Variants in FBXL20 observed in about 807,000 individuals in gnomAD.
FBXL20 encodes F-box/LRR-repeat protein 20.
Under a neutral mutation model 64.0 loss-of-function variants are expected in FBXL20, and 11 were observed. The observed-to-expected ratio is 0.17, with a 90% CI of 0.11 to 0.28. The LOEUF is 0.28. Among genes scored for constraint, FBXL20 ranks in the 10% least tolerant of loss-of-function variants. The pLI is 1.00. For missense variants in FBXL20, 303 were observed against 526.2 expected (o/e 0.58, Z 4.15); for synonymous variants, 184 against 189.0 (o/e 0.97, Z 0.22).
intron 6 of FBXL20, among the ~76,000 whole-genome samples, chr17:39,287,018 T>A (rs2046995058): frequency 6.7e-6 from 1 of 149,042 alleles, no homozygotes; most frequent in Non-Finnish European, 1.5e-5. Flanking sequence ...GTTCAAGCAA[T>A]TCTCTTGCCT....
intron 2 of FBXL20, among the ~76,000 whole-genome samples, chr17:39,308,460 G>A (rs928279390): frequency 1.3e-5 from 2 of 151,510 alleles, no homozygotes; most frequent in Non-Finnish European, 2.9e-5. Context: ...ACCCCACTAT[G>A]CTTTGGCCTG....
At chr17:39,345,421 G>C (rs1597810085) in intron 1 of FBXL20, among the ~76,000 whole-genome samples, 1 of 152,272 alleles carries the variant, frequency 6.6e-6, no homozygotes, top group East Asian at 1.9e-4. Flanking sequence ...AAATAATGGA[G>C]TCATACATGA....
chr17:39,294,144 A>AT lies in FBXL20; in HGVS notation c.398+2982dup, dbSNP rs553479627. On this transcript the variant is annotated intron_variant, in intron 6 of 14. Transcript: ENST00000264658. ...CTGTGAGAAGGAGAAGTCTACTTGG[A>AT]TTTTTTTTTTTTAAGACATAGGGTC... Among the ~76,000 whole-genome samples, 1,029 of 144,968 alleles carry AT rather than the reference A, an allele frequency of 7.1e-3. 9 individuals are homozygous for AT. The highest frequency in any genetic ancestry group is 0.01 in the Non-Finnish European group (689 of 65,666).
At chr17:39,370,142 T>C (rs1039115332) in intron 1 of FBXL20, among the ~76,000 whole-genome samples, 1 of 151,016 alleles carries the variant, frequency 6.6e-6, no homozygotes, top group Admixed American at 6.6e-5. Flanking sequence ...ATGGAATTAA[T>C]ACATCTTAAA....
rs2046719512 is a variant in FBXL20 at position 39,258,874 on chromosome 17, G to GT, written c.*2585dup. The GT allele has an allele frequency of 6.6e-6, 1 of 152,148 alleles. No individual in the cohort carries two copies. The highest frequency in any genetic ancestry group is 2.4e-5 in the African/African-American group (1 of 41,424). 9.4% of individuals were successfully genotyped at this position (152,148 alleles called of 1,614,324 possible). A position where few individuals can be genotyped will look rare whatever the true frequency, so the allele number is the denominator to read the frequency against. On this transcript the variant is annotated 3_prime_UTR_variant, in exon 15 of 15. Transcript: ENST00000264658. ...CATCTGGAAGTATGTGTGTATGCAC[G>GT]TATGTATTTTTATGTGTAGGGGTAC... is the stretch of plus-strand genomic sequence containing the variant.
At chr17:39,340,046 T>C (rs1288503665) in intron 2 of FBXL20, among the ~76,000 whole-genome samples, 3 of 152,142 alleles carry the variant, frequency 2.0e-5, no homozygotes, top group Admixed American at 2.0e-4. Flanking sequence ...TTCTCCTGCT[T>C]CAGCTTCCCA....
intron 6 of FBXL20, among the ~76,000 whole-genome samples, chr17:39,292,124 T>C (rs974272640): frequency 6.6e-6 from 1 of 150,802 alleles, no homozygotes; most frequent in African/African-American, 2.5e-5. Context: ...ATGTCAATTA[T>C]ATCAAGTTCA....
chr17:39,275,443 A>G (rs998005537), intron 9 of FBXL20, among the ~76,000 whole-genome samples: 19 of 151,830 alleles, frequency 1.3e-4, no homozygotes, highest in African/African-American at 4.4e-4. Flanking sequence ...ATAGAGTCTC[A>G]CTCTATCACC....
intron 12 of FBXL20, among the ~76,000 whole-genome samples, chr17:39,267,427 C>T (rs1244897051): frequency 6.6e-6 from 1 of 152,038 alleles, no homozygotes; most frequent in African/African-American, 2.4e-5. Context: ...AGGAATCAGA[C>T]GATAGTGCTT....
intron 14 of FBXL20, 54 bp from the exon 15 acceptor site, chr17:39,261,621 C>A: frequency 7.3e-7 from 1 of 1,366,208 alleles, no homozygotes; most frequent in Admixed American, 1.9e-5. Context: ...ACAGAAAGAG[C>A]AATGTTGGTT....
intron 1 of FBXL20, among the ~76,000 whole-genome samples, chr17:39,386,439 G>A (rs1377350174): frequency 6.6e-6 from 1 of 152,082 alleles, no homozygotes; most frequent in African/African-American, 2.4e-5. Flanking sequence ...AGACCAGCCT[G>A]AGCAACACAG....
chr17:39,293,590 AC>A (rs1704620227), intron 6 of FBXL20, among the ~76,000 whole-genome samples: 1 of 152,196 alleles, frequency 6.6e-6, no homozygotes, highest in Non-Finnish European at 1.5e-5. Context: ...TAGCCCTACC[AC>A]CAAGGTGTAA....
intron 2 of FBXL20, among the ~76,000 whole-genome samples, chr17:39,321,574 T>C (rs1194661010): frequency 1.3e-5 from 2 of 151,518 alleles, no homozygotes; most frequent in Non-Finnish European, 2.9e-5. Flanking sequence ...GGTCAGGAGT[T>C]TGAGACCAGC....
At chr17:39,357,825 T>C (rs1322048573) in intron 1 of FBXL20, among the ~76,000 whole-genome samples, 1 of 152,238 alleles carries the variant, frequency 6.6e-6, no homozygotes, top group Non-Finnish European at 1.5e-5. Context: ...TCTGGTACCA[T>C]AGCGTTTCAT....
intron 2 of FBXL20, among the ~76,000 whole-genome samples, chr17:39,310,139 C>A (rs1277030672): frequency 6.9e-6 from 1 of 145,650 alleles, no homozygotes; most frequent in African/African-American, 2.6e-5. Flanking sequence ...AGAATGAGAC[C>A]CTGTCTACAA....
chr17:39,399,666 G>A (rs945008104), intron 1 of FBXL20, among the ~76,000 whole-genome samples: 1 of 152,018 alleles, frequency 6.6e-6, no homozygotes, highest in African/African-American at 2.4e-5. Context: ...GAAAGATTTC[G>A]TTGCCAGCTA....
chr17:39,318,794 T>C (rs1021227203), intron 2 of FBXL20, among the ~76,000 whole-genome samples: 3 of 151,976 alleles, frequency 2.0e-5, no homozygotes, highest in African/African-American at 7.2e-5. Context: ...AATGCTGAAA[T>C]AGTTCATAAG....
At chr17:39,272,376 C>G (rs2046851635) in intron 10 of FBXL20, among the ~76,000 whole-genome samples, 1 of 131,700 alleles carries the variant, frequency 7.6e-6, no homozygotes, top group South Asian at 3.0e-4. Context: ...CAGAGCGAGA[C>G]TTTGTCTCAA....
intron 1 of FBXL20, among the ~76,000 whole-genome samples, chr17:39,384,727 C>T (rs927182657): frequency 3.3e-5 from 5 of 151,960 alleles, no homozygotes; most frequent in African/African-American, 1.2e-4. Flanking sequence ...GAGGCTGAGG[C>T]AGGCAGATCA....
Sources: gnomAD v4.1 joint callset for allele counts (sites outside exome capture counted in the v4.1 genomes callset) on GRCh38, gnomAD v4.1.1 for gene constraint, MANE v1.5 for transcripts, NCBI Gene and HGNC (gene_info 2026-07-23, HGNC 2026-07-21) for gene names.